The following DAPK1 variants were observed in gnomAD, a reference collection of about 807,000 sequenced individuals.
The protein encoded by DAPK1 is death associated protein kinase 1.
In DAPK1, 56 loss-of-function variants were observed where a neutral mutation model predicts 144.9. That is an observed-to-expected ratio of 0.39 (90% CI 0.31 to 0.48). The LOEUF (loss-of-function observed/expected upper bound fraction) is 0.48. Among genes scored for constraint, DAPK1 ranks in the 20% least tolerant of loss-of-function variants. The probability of loss-of-function intolerance (pLI) is 0.95; values close to 1 mark genes in which losing one functional copy is unlikely to be tolerated. For synonymous variants in DAPK1, 690 were observed against 749.0 expected, an observed-to-expected ratio of 0.92 and a Z score of 1.29; for missense variants, 1,454 against 1,875.4, an observed-to-expected ratio of 0.78 and a Z score of 4.15.
intron 2 of DAPK1, among the ~76,000 whole-genome samples, chr9:87,533,645 A>G (rs757025371): frequency 9.8e-6 from 1 of 102,064 alleles, no homozygotes; most frequent in East Asian, 3.2e-4. Context: ...CCATGTGTGC[A>G]CTCCTTTTCT....
chr9:87,595,979 T>A (rs1828301580), intron 2 of DAPK1, among the ~76,000 whole-genome samples: 1 of 152,202 alleles, frequency 6.6e-6, no homozygotes, highest in Non-Finnish European at 1.5e-5. Flanking sequence ...TAATAATAAT[T>A]TTTTAAAAAT....
At chr9:87,533,724 G>A (rs564962269) in intron 2 of DAPK1, among the ~76,000 whole-genome samples, 7 of 152,268 alleles carry the variant, frequency 4.6e-5, no homozygotes, top group African/African-American at 9.6e-5. Flanking sequence ...GTGCAGTGGC[G>A]TGATCTGGGC....
chr9:87,522,505 C>G (rs1286790447), intron 2 of DAPK1, among the ~76,000 whole-genome samples: 3 of 152,092 alleles, frequency 2.0e-5, no homozygotes, highest in Non-Finnish European at 4.4e-5. Context: ...GGAAGACATG[C>G]CTTTTTCTTC....
rs36215053 is a variant in DAPK1 at position 87,663,132 on chromosome 9, G to A, written c.1923+5005G>A. ...CAGGGGGACCTGAACAAGTCTGCAC[G>A]TCCTGTCCCCACTTTGTCCTTGCCT... On this transcript the variant is annotated intron_variant, in intron 18 of 25. Transcript: ENST00000408954. Among the ~76,000 whole-genome samples, 388 of 152,026 alleles carry A rather than the reference G, an allele frequency of 2.6e-3. 2 individuals carry two copies. The highest frequency in any genetic ancestry group is 6.0e-3 in the South Asian group (29 of 4,814).
chr9:87,698,935 C>T (rs1467584022), intron 23 of DAPK1, 141 bp downstream of exon 23: 2 of 597,932 alleles, frequency 3.3e-6, no homozygotes, highest in African/African-American at 1.9e-5. Context: ...CAACTCTTTT[C>T]TTGTACAGGT....
At chr9:87,699,389 T>C (rs1247015406) in intron 23 of DAPK1, among the ~76,000 whole-genome samples, 5 of 152,176 alleles carry the variant, frequency 3.3e-5, no homozygotes. Context: ...GTCTTAAAAT[T>C]CATTTAGGAA....
At chr9:87,670,197 G>A (rs1399338289) in intron 19 of DAPK1, among the ~76,000 whole-genome samples, 2 of 152,204 alleles carry the variant, frequency 1.3e-5, no homozygotes, top group Middle Eastern at 3.4e-3. Flanking sequence ...GGGCAAGGGA[G>A]ATCCCGTGAG....
intron 2 of DAPK1, among the ~76,000 whole-genome samples, chr9:87,549,142 C>G: frequency 6.6e-6 from 1 of 151,884 alleles, no homozygotes; most frequent in Non-Finnish European, 1.5e-5. Flanking sequence ...TCCCTGTGTC[C>G]GTGTGTTCTC....
chr9:87,621,481 C>T (rs1369188028), intron 3 of DAPK1, among the ~76,000 whole-genome samples: 2 of 152,214 alleles, frequency 1.3e-5, no homozygotes, highest in Non-Finnish European at 2.9e-5. Context: ...CTGCATCTTC[C>T]AGCCTCCCTG....
rs1564000808 is a variant in DAPK1 at position 87,571,472 on chromosome 9, C to CCCCCCA, written c.63-33482_63-33481insCCCCCA. 3.2e-4 allele frequency among the ~76,000 whole-genome samples: 17 copies of CCCCCCA among 53,710 alleles called. 1 individual carries two copies. The highest frequency in any genetic ancestry group is 5.8e-4 in the Admixed American group (3 of 5,178). 35.2% of individuals were successfully genotyped at this position (53,710 alleles called of 152,430 possible). On this transcript the variant is annotated intron_variant, in intron 2 of 25. Transcript: ENST00000408954. ...ACACACACACACACACACACACACA[C>CCCCCCA]ACCAACACACACACACACACACCCC...
intron 20 of DAPK1, among the ~76,000 whole-genome samples, chr9:87,684,496 C>T (rs528662776): frequency 2.6e-4 from 39 of 152,354 alleles, no homozygotes; most frequent in African/African-American, 8.7e-4. Context: ...TTTTCCACTG[C>T]CGTTCTCTTG....
intron 3 of DAPK1, among the ~76,000 whole-genome samples, chr9:87,636,223 C>T (rs1829889082): frequency 6.6e-6 from 1 of 152,132 alleles, no homozygotes; most frequent in Non-Finnish European, 1.5e-5. Context: ...CCATGTAGGA[C>T]ACCTTTCGCT....
rs55994363 is a variant in DAPK1 at position 87,668,645 on chromosome 9, G to A, written c.1972G>A (p.Val658Ile). ...DLARSEQHEH[V>I]AGLLARLRKD... ...TGCTAGATCGGAACAGCACGAGCACGTAGCAGGTCTCCTTGCAAGACTTCG... is the reference window on the plus strand; with the variant it reads ...TGCTAGATCGGAACAGCACGAGCACATAGCAGGTCTCCTTGCAAGACTTCG... Residue 658 changes from valine to isoleucine, a missense_variant, in exon 19 of 26, where the codon GTA becomes ATA. Coordinates refer to ENST00000408954, the MANE Select transcript of DAPK1 (RefSeq NM_004938.4). The A allele has an allele frequency of 1.8e-5, 26 of 1,458,610 alleles. 1 individual carries two copies. In the Middle Eastern group the frequency reaches 5.2e-4, roughly 29 times the overall value. The allele number at this position is 1,458,610 out of a possible 1,614,324, so 90.4% of individuals were successfully genotyped here.
chr9:87,652,100 C>T (rs559904561), intron 17 of DAPK1, among the ~76,000 whole-genome samples: 1 of 146,850 alleles, frequency 6.8e-6, no homozygotes, highest in Non-Finnish European at 1.5e-5. Flanking sequence ...CTGTGTCCAT[C>T]CCCCCGATCC....
chr9:87,634,886 C>A (rs941252454), intron 3 of DAPK1, among the ~76,000 whole-genome samples: 1 of 152,128 alleles, frequency 6.6e-6, no homozygotes, highest in African/African-American at 2.4e-5. Context: ...GCTGCACACC[C>A]CTGCTGCCAT....
chr9:87,505,850 G>C (rs1443022773), intron 2 of DAPK1, among the ~76,000 whole-genome samples: 29 of 151,988 alleles, frequency 1.9e-4, no homozygotes, highest in Admixed American at 1.9e-3. Context: ...ACCATACCTG[G>C]CTAATTTTTT....
At chr9:87,552,305 C>G (rs186516334) in intron 2 of DAPK1, among the ~76,000 whole-genome samples, 5 of 128,688 alleles carry the variant, frequency 3.9e-5, no homozygotes, top group Admixed American at 3.8e-4. Flanking sequence ...GTCCCAACCC[C>G]GCTGACCCCA....
intron 2 of DAPK1, among the ~76,000 whole-genome samples, chr9:87,544,285 A>G (rs1421542635): frequency 6.6e-6 from 1 of 152,238 alleles, no homozygotes; most frequent in African/African-American, 2.4e-5. Context: ...CATTATCTAA[A>G]TTTTAGAAAC....
At chr9:87,530,264 C>T (rs1188430020) in intron 2 of DAPK1, among the ~76,000 whole-genome samples, 1 of 152,196 alleles carries the variant, frequency 6.6e-6, no homozygotes, top group Non-Finnish European at 1.5e-5. Context: ...CGTCAGAAGT[C>T]CTGGGGAAGC....
Sources: allele counts gnomAD v4.1 joint callset (sites outside exome capture counted in the v4.1 genomes callset), GRCh38; gene constraint gnomAD v4.1.1; transcripts MANE v1.5; gene names NCBI Gene and HGNC (gene_info 2026-07-23, HGNC 2026-07-21).